The following CSGALNACT1 variants were observed in gnomAD, a reference collection of about 807,000 sequenced individuals.
The protein encoded by CSGALNACT1 is beta4GalNAcT-1.
CSGALNACT1 carries 52 observed loss-of-function variants against 51.0 expected under a neutral mutation model. That is an observed-to-expected ratio of 1.02 (90% CI 0.82 to 1.29). CSGALNACT1 has a LOEUF of 1.29. Ranked by LOEUF, CSGALNACT1 falls within the 50% of genes most tolerant of loss-of-function variation. The pLI is 0.00. For synonymous variants in CSGALNACT1, 341 were observed against 254.4 expected (o/e 1.34, Z -3.24); for missense variants, 935 against 679.2 (o/e 1.38, Z -4.19).
intron 1 of CSGALNACT1, among the ~76,000 whole-genome samples, chr8:19,705,828 C>T (rs760895045): frequency 2.0e-5 from 3 of 152,030 alleles, no homozygotes; most frequent in Non-Finnish European, 4.4e-5. Flanking sequence ...TAAATACAAC[C>T]ATAAACATAA....
intron 1 of CSGALNACT1, among the ~76,000 whole-genome samples, chr8:19,648,859 G>A (rs1470611897): frequency 6.6e-6 from 1 of 152,030 alleles, no homozygotes; most frequent in Non-Finnish European, 1.5e-5. Flanking sequence ...ACAGAGAAGT[G>A]GATAAATTAT....
At position 19,515,772 on chromosome 8, in the gene CSGALNACT1, A is replaced by G. The variant is rs116358973; in HGVS notation, c.-296-9642T>C. Reference sequence around the variant, plus strand: ...GGCAAACTTTTAGAGAGGAGGCTTGATGGAGAGGGGCTTCCTGTCTATGCC... The same window carrying G: ...GGCAAACTTTTAGAGAGGAGGCTTGGTGGAGAGGGGCTTCCTGTCTATGCC... On this transcript the variant is annotated intron_variant, in intron 3 of 9. Transcript: ENST00000454498. Among the ~76,000 whole-genome samples the G allele has an allele frequency of 8.8e-3, 1,331 of 152,070 alleles. 15 individuals are homozygous for G. The highest frequency in any genetic ancestry group is 0.03 in the African/African-American group (1,253 of 41,466).
chr8:19,465,356 G>A (rs1023729134), intron 4 of CSGALNACT1, among the ~76,000 whole-genome samples: 1 of 152,154 alleles, frequency 6.6e-6, no homozygotes, highest in Non-Finnish European at 1.5e-5. Context: ...CAGGGACTGG[G>A]GAGTGAGTGT....
intron 3 of CSGALNACT1, among the ~76,000 whole-genome samples, chr8:19,558,622 C>T (rs546196786): frequency 6.0e-4 from 91 of 152,236 alleles, no homozygotes; most frequent in Non-Finnish European, 1.0e-3. Flanking sequence ...ACTTAAAAGA[C>T]TTATTTTTTG....
chr8:19,597,159 TA>T (rs1260763796), intron 2 of CSGALNACT1, among the ~76,000 whole-genome samples: 1 of 152,168 alleles, frequency 6.6e-6, no homozygotes, highest in Non-Finnish European at 1.5e-5. Context: ...CATATTTTAG[TA>T]GGTGTCAGAA....
intron 8 of CSGALNACT1, among the ~76,000 whole-genome samples, chr8:19,417,264 C>T (rs978444075): frequency 4.6e-5 from 7 of 152,126 alleles, no homozygotes; most frequent in African/African-American, 1.4e-4. Flanking sequence ...ATTGCAATTC[C>T]ACTAGGGGAA....
At chr8:19,428,042 C>A (rs1419882998) in intron 6 of CSGALNACT1, among the ~76,000 whole-genome samples, 1 of 152,106 alleles carries the variant, frequency 6.6e-6, no homozygotes, top group African/African-American at 2.4e-5. Flanking sequence ...CTTCCTCCTT[C>A]TCCTCTGGAT....
intron 1 of CSGALNACT1, among the ~76,000 whole-genome samples, chr8:19,677,479 C>T (rs2060280126): frequency 6.6e-6 from 1 of 152,090 alleles, no homozygotes; most frequent in Non-Finnish European, 1.5e-5. Context: ...AGAAGAAAAA[C>T]TAATGGTACC....
intron 3 of CSGALNACT1, among the ~76,000 whole-genome samples, chr8:19,540,765 C>G (rs567972716): frequency 1.2e-4 from 19 of 152,294 alleles, no homozygotes; most frequent in African/African-American, 4.6e-4. Context: ...ACCCTGCTCC[C>G]TTTGCCCAGG....
chr8:19,473,535 C>T (rs1439721853), intron 4 of CSGALNACT1, among the ~76,000 whole-genome samples: 1 of 152,192 alleles, frequency 6.6e-6, no homozygotes, highest in Non-Finnish European at 1.5e-5. Context: ...GCAGCCTAAC[C>T]CTGGCTTCAC....
At chr8:19,435,751 A>C (rs1014552241) in intron 6 of CSGALNACT1, among the ~76,000 whole-genome samples, 2 of 152,326 alleles carry the variant, frequency 1.3e-5, no homozygotes, top group Non-Finnish European at 2.9e-5. Flanking sequence ...GATTAACTGA[A>C]GCTTGGAAAA....
At chr8:19,439,498 C>A (rs1227247807) in intron 6 of CSGALNACT1, among the ~76,000 whole-genome samples, 3 of 152,186 alleles carry the variant, frequency 2.0e-5, no homozygotes, top group Non-Finnish European at 4.4e-5. Flanking sequence ...TACTCTGCAA[C>A]ATAAAGAAGT....
intron 8 of CSGALNACT1, among the ~76,000 whole-genome samples, chr8:19,412,658 T>C (rs941574253): frequency 1.3e-5 from 2 of 152,292 alleles, no homozygotes; most frequent in East Asian, 3.9e-4. Context: ...AGGGCCCCCA[T>C]ACATGGAAGG....
intron 3 of CSGALNACT1, chr8:19,531,798 A>G (rs2082819501): frequency 6.6e-6 from 1 of 152,222 alleles, no homozygotes. Context: ...CACCCATCAT[A>G]GCCTGTTCTG....
chr8:19,617,393 A>C (rs2053180601), intron 1 of CSGALNACT1, among the ~76,000 whole-genome samples: 1 of 152,218 alleles, frequency 6.6e-6, no homozygotes, highest in African/African-American at 2.4e-5. Context: ...TTCTTTAAAA[A>C]GAAATACCTA....
intron 4 of CSGALNACT1, among the ~76,000 whole-genome samples, chr8:19,465,337 C>A (rs968896156): frequency 6.6e-6 from 1 of 151,992 alleles, no homozygotes; most frequent in African/African-American, 2.4e-5. Flanking sequence ...TTGCCAGGGG[C>A]TGGGGAAGCA....
intron 6 of CSGALNACT1, among the ~76,000 whole-genome samples, chr8:19,422,634 T>C (rs1458100295): frequency 6.6e-6 from 1 of 152,222 alleles, no homozygotes; most frequent in Admixed American, 6.5e-5. Flanking sequence ...GAAGTTATGC[T>C]CAAAACCTTT....
chr8:19,431,594 A>G (rs1309803544), intron 6 of CSGALNACT1, among the ~76,000 whole-genome samples: 1 of 151,550 alleles, frequency 6.6e-6, no homozygotes, highest in Admixed American at 6.6e-5. Flanking sequence ...TTTTGCATTT[A>G]TATTCATAGG....
intron 1 of CSGALNACT1, among the ~76,000 whole-genome samples, chr8:19,753,170 G>C (rs1472533730): frequency 6.6e-6 from 1 of 152,174 alleles, no homozygotes; most frequent in Non-Finnish European, 1.5e-5. Flanking sequence ...TGCAGTTCTG[G>C]GGAAGCATTA....
Sources: gnomAD v4.1 joint callset for allele counts (sites outside exome capture counted in the v4.1 genomes callset) on GRCh38, gnomAD v4.1.1 for gene constraint, MANE v1.5 for transcripts, NCBI Gene and HGNC (gene_info 2026-07-23, HGNC 2026-07-21) for gene names.